Variants in DAB1 observed in about 807,000 individuals in gnomAD.
DAB1 encodes DAB adaptor protein 1.
Under a neutral mutation model 64.6 loss-of-function variants are expected in DAB1, and 15 were observed. The observed-to-expected ratio is 0.23, with a 90% CI of 0.16 to 0.36. The LOEUF (loss-of-function observed/expected upper bound fraction) is 0.36, where lower values mean the gene tolerates loss of function less well. DAB1 is among the 10% of genes least tolerant of loss of function. DAB1 has a pLI of 1.00. For missense variants in DAB1, 596 were observed against 706.7 expected (o/e 0.84, Z 1.78); for synonymous variants, 235 against 251.9 (o/e 0.93, Z 0.64).
chr1:57,565,777 G>A (rs1645112520), intron 7 of DAB1, among the ~76,000 whole-genome samples: 1 of 152,028 alleles, frequency 6.6e-6, no homozygotes, highest in South Asian at 2.1e-4. Flanking sequence ...TCATAAAGCA[G>A]CTCCTTAGAG....
chr1:57,226,672 A>AAAATATATATATATATAT (rs747021990), intron 2 of DAB1, among the ~76,000 whole-genome samples: 34 of 135,990 alleles, frequency 2.5e-4, no homozygotes, highest in African/African-American at 1.0e-3. Flanking sequence ...TTAAAAAAAA[A>AAAATATATATATATATAT]ATATATATAT....
At chr1:57,342,972 C>A (rs889672689) in intron 1 of DAB1, among the ~76,000 whole-genome samples, 1 of 152,114 alleles carries the variant, frequency 6.6e-6, no homozygotes, top group African/African-American at 2.4e-5. Flanking sequence ...AAAGCTTCCA[C>A]AGCTCAGAAG....
chr1:57,771,083 A>C (rs576761567), intron 6 of DAB1, among the ~76,000 whole-genome samples: 3 of 152,194 alleles, frequency 2.0e-5, no homozygotes, highest in Non-Finnish European at 4.4e-5. Flanking sequence ...ACGAGGGCAG[A>C]GATATTGCAT....
intron 4 of DAB1, among the ~76,000 whole-genome samples, chr1:57,097,667 A>T (rs998255607): frequency 1.3e-5 from 2 of 152,194 alleles, no homozygotes; most frequent in African/African-American, 4.8e-5. Flanking sequence ...CACCTAAACT[A>T]CTTTAAGTAT....
chr1:57,211,065 C>T (rs1216186994), intron 2 of DAB1, among the ~76,000 whole-genome samples: 1 of 152,252 alleles, frequency 6.6e-6, no homozygotes, highest in Admixed American at 6.5e-5. Context: ...CAATATGACA[C>T]AGCTCAGTGT....
At position 57,590,775 on chromosome 1, in the gene DAB1, CACACACA is replaced by C. The variant is rs1267345961; in HGVS notation, n.625+58810_625+58816del. 9.3e-5 allele frequency among the ~76,000 whole-genome samples: 14 copies of C among 150,792 alleles called. No homozygotes were observed. The East Asian group carries it at 2.5e-3, about 27-fold the overall frequency. ...ACACACACACACACACACACACACA[CACACACA>C]CCCCACTCACATATTCTTACCCTAT... On this transcript the variant is annotated intron_variant and non_coding_transcript_variant, in intron 7 of 20. Coordinates refer to the DAB1 transcript ENST00000485760.
intron 6 of DAB1, among the ~76,000 whole-genome samples, chr1:57,653,763 C>T (rs953067062): frequency 6.6e-6 from 1 of 152,180 alleles, no homozygotes; most frequent in Admixed American, 6.5e-5. Context: ...CAGGAGCCCA[C>T]CACCACGATC....
intron 1 of DAB1, among the ~76,000 whole-genome samples, chr1:57,334,652 C>T (rs1048938590): frequency 6.6e-6 from 1 of 152,200 alleles, no homozygotes; most frequent in Non-Finnish European, 1.5e-5. Context: ...TAATTACAAA[C>T]ATAAACAGCA....
At chr1:57,000,115 C>T (rs1274489932) in intron 14 of DAB1, among the ~76,000 whole-genome samples, 1 of 146,192 alleles carries the variant, frequency 6.8e-6, no homozygotes, top group African/African-American at 2.6e-5. Context: ...GCGATGTCGG[C>T]TCACTGCAAG....
At chr1:57,154,367 G>A (rs1660009944) in intron 2 of DAB1, among the ~76,000 whole-genome samples, 1 of 152,304 alleles carries the variant, frequency 6.6e-6, no homozygotes, top group South Asian at 2.1e-4. Flanking sequence ...CAAATGACAA[G>A]AGTCTCATCC....
At chr1:57,432,140 T>A (rs114327654) in intron 7 of DAB1, among the ~76,000 whole-genome samples, 1,631 of 150,674 alleles carry the variant, frequency 0.011, 23 homozygotes, top group African/African-American at 0.038. Context: ...AAAGAATGAA[T>A]TTCCAATGCT....
intron 5 of DAB1, among the ~76,000 whole-genome samples, chr1:58,051,411 G>C (rs183718225): frequency 2.0e-5 from 3 of 152,220 alleles, no homozygotes; most frequent in Non-Finnish European, 4.4e-5. Context: ...GTATTCCATG[G>C]TGTATATGTG....
At chr1:57,459,781 A>G (rs886315134) in intron 7 of DAB1, among the ~76,000 whole-genome samples, 1 of 152,224 alleles carries the variant, frequency 6.6e-6, no homozygotes, top group Non-Finnish European at 1.5e-5. Flanking sequence ...CACTCTGCCC[A>G]CATATCCTCT....
At chr1:57,365,197 TATAA>T in intron 1 of DAB1, among the ~76,000 whole-genome samples, 1 of 138,676 alleles carries the variant, frequency 7.2e-6, no homozygotes, top group South Asian at 2.2e-4. Flanking sequence ...AAAGAATATA[TATAA>T]ATATATAAAT....
At chr1:58,302,402 T>C (rs868185881) in intron 4 of DAB1, among the ~76,000 whole-genome samples, 1 of 151,530 alleles carries the variant, frequency 6.6e-6, no homozygotes, top group Non-Finnish European at 1.5e-5. Flanking sequence ...GAGTAGAGGG[T>C]GGAGGGCAGC....
intron 5 of DAB1, among the ~76,000 whole-genome samples, chr1:57,898,073 T>C (rs1179641021): frequency 6.6e-6 from 1 of 152,062 alleles, no homozygotes; most frequent in Non-Finnish European, 1.5e-5. Flanking sequence ...GCAAACCCCA[T>C]AAAGACTCTC....
At chr1:58,085,612 C>T (rs1432552975) in intron 5 of DAB1, among the ~76,000 whole-genome samples, 9 of 152,102 alleles carry the variant, frequency 5.9e-5, no homozygotes, top group African/African-American at 1.7e-4. Flanking sequence ...AAGCAATCCC[C>T]CCATCTCAGC....
intron 5 of DAB1, among the ~76,000 whole-genome samples, chr1:57,999,112 C>T (rs1489218967): frequency 6.6e-6 from 1 of 152,230 alleles, no homozygotes; most frequent in Admixed American, 6.5e-5. Context: ...CAAAGACTAA[C>T]CTTCCTTTAA....
intron 5 of DAB1, among the ~76,000 whole-genome samples, chr1:57,963,098 A>C (rs2100279823): frequency 6.6e-6 from 1 of 152,188 alleles, no homozygotes; most frequent in Non-Finnish European, 1.5e-5. Context: ...TCATTCATTC[A>C]TTCAACCACA....
Sources: allele counts gnomAD v4.1 joint callset (sites outside exome capture counted in the v4.1 genomes callset), GRCh38; gene constraint gnomAD v4.1.1; transcripts MANE v1.5; gene names NCBI Gene and HGNC (gene_info 2026-07-23, HGNC 2026-07-21).